GIGYF2: variants seen among roughly 807,000 people sequenced by gnomAD.
GIGYF2 encodes the protein GRB10-interacting GYF protein 2.
Under a neutral mutation model 208.1 loss-of-function variants are expected in GIGYF2, and 25 were observed. The ratio of observed to expected loss-of-function variants is 0.12; its 90% CI spans 0.09 to 0.17. GIGYF2 has a LOEUF of 0.17. Among genes scored for constraint, GIGYF2 ranks in the 10% least tolerant of loss-of-function variants. The probability of loss-of-function intolerance (pLI) is 1.00; values close to 1 mark genes in which losing one functional copy is unlikely to be tolerated. For synonymous variants in GIGYF2, 534 were observed against 543.8 expected (o/e 0.98, Z 0.25); for missense variants, 1,302 against 1,579.4 (o/e 0.82, Z 2.98).
intron 1 of GIGYF2, among the ~76,000 whole-genome samples, chr2:232,698,892 T>C (rs548194044): frequency 6.6e-6 from 1 of 152,198 alleles, no homozygotes; most frequent in African/African-American, 2.4e-5. Flanking sequence ...AACCATGTGC[T>C]TCCATTCATT....
intron 3 of GIGYF2, among the ~76,000 whole-genome samples, chr2:232,741,855 T>A (rs1217519028): frequency 3.3e-5 from 5 of 152,224 alleles, no homozygotes; most frequent in Non-Finnish European, 7.3e-5. Context: ...CTATGTCCAC[T>A]TATATGACTT....
At chr2:232,729,304 C>T (rs1697346089) in intron 2 of GIGYF2, among the ~76,000 whole-genome samples, 1 of 152,124 alleles carries the variant, frequency 6.6e-6, no homozygotes, top group African/African-American at 2.4e-5. Context: ...CTAAAGGTTA[C>T]AAGTCTTCTA....
intron 14 of GIGYF2, among the ~76,000 whole-genome samples, chr2:232,797,488 C>CG (rs1559439725): frequency 1.0e-4 from 5 of 49,158 alleles, no homozygotes; most frequent in African/African-American, 3.1e-4. Context: ...GAGAGCAGGG[C>CG]TTGTGTGTGT....
chr2:232,841,510 T>A (rs1701818208), intron 23 of GIGYF2, among the ~76,000 whole-genome samples: 1 of 151,292 alleles, frequency 6.6e-6, no homozygotes, highest in Non-Finnish European at 1.5e-5. Context: ...AGACGGAGTT[T>A]CACCATGTTG....
chr2:232,723,070 C>T (rs1374559585), intron 2 of GIGYF2, among the ~76,000 whole-genome samples: 1 of 152,152 alleles, frequency 6.6e-6, no homozygotes, highest in East Asian at 1.9e-4. Context: ...AATCTGCCTA[C>T]CTCAGCGTCA....
At chr2:232,807,044 C>G (rs1700581930) in intron 15 of GIGYF2, among the ~76,000 whole-genome samples, 1 of 152,088 alleles carries the variant, frequency 6.6e-6, no homozygotes, top group South Asian at 2.1e-4. Context: ...ACACAGTTGA[C>G]CTCTTTGACT....
At chr2:232,760,201 C>G (rs1029156789) in intron 6 of GIGYF2, 1 of 286,946 alleles carries the variant, frequency 3.5e-6, no homozygotes, top group African/African-American at 2.2e-5. Flanking sequence ...TTCAACTGTT[C>G]GTTAAAGAAC....
At chr2:232,827,677 T>C (rs1477225996) in intron 21 of GIGYF2, among the ~76,000 whole-genome samples, 2 of 152,250 alleles carry the variant, frequency 1.3e-5, no homozygotes, top group Non-Finnish European at 2.9e-5. Flanking sequence ...TACTTATTTA[T>C]CTTTTCGTTG....
chr2:232,743,153 GTGTTGAGGTT>G (rs1475871443), intron 3 of GIGYF2, among the ~76,000 whole-genome samples: 2 of 152,182 alleles, frequency 1.3e-5, no homozygotes, highest in African/African-American at 4.8e-5. Context: ...AGAATTGGCA[GTGTTGAGGTT>G]ATTGATGAAC....
chr2:232,848,807 T>C (rs1223096345), intron 27 of GIGYF2, among the ~76,000 whole-genome samples: 1 of 152,202 alleles, frequency 6.6e-6, no homozygotes, highest in African/African-American at 2.4e-5. Context: ...ATCTCATGTT[T>C]TTTGCTCTGA....
At chr2:232,718,246 C>T (rs187471941) in intron 2 of GIGYF2, among the ~76,000 whole-genome samples, 77 of 152,136 alleles carry the variant, frequency 5.1e-4, no homozygotes, top group African/African-American at 1.9e-3. Context: ...TACAGGCGCC[C>T]ACCACCATGC....
intron 3 of GIGYF2, among the ~76,000 whole-genome samples, chr2:232,737,711 A>G (rs532287579): frequency 8.5e-5 from 13 of 152,260 alleles, no homozygotes; most frequent in South Asian, 4.1e-4. Context: ...CCAGTGTGCA[A>G]TTAACTCTAA....
chr2:232,743,336 A>G (rs762890083), intron 3 of GIGYF2, among the ~76,000 whole-genome samples: 3 of 152,206 alleles, frequency 2.0e-5, no homozygotes, highest in Non-Finnish European at 2.9e-5. Flanking sequence ...ATGAGGAGAT[A>G]TGTTTAGAGA....
chr2:232,795,402 C>T (rs1480082393), intron 13 of GIGYF2, among the ~76,000 whole-genome samples: 1 of 152,116 alleles, frequency 6.6e-6, no homozygotes, highest in Non-Finnish European at 1.5e-5. Flanking sequence ...TGCTTTTCTA[C>T]GAAAGAATTT....
intron 8 of GIGYF2, among the ~76,000 whole-genome samples, chr2:232,782,190 G>GTA (rs1207045231): frequency 1.3e-5 from 2 of 152,026 alleles, no homozygotes; most frequent in African/African-American, 4.8e-5. Context: ...TGGTAAATTA[G>GTA]TACTATTTCT....
chr2:232,836,028 G>A (rs1034535053), intron 22 of GIGYF2, among the ~76,000 whole-genome samples: 5 of 151,574 alleles, frequency 3.3e-5, no homozygotes, highest in African/African-American at 7.3e-5. Flanking sequence ...ACAGAAAACA[G>A]ATGCCAAATG....
chr2:232,849,489 G>C (rs943791598), intron 27 of GIGYF2, among the ~76,000 whole-genome samples: 3 of 152,130 alleles, frequency 2.0e-5, no homozygotes, highest in Non-Finnish European at 4.4e-5. Context: ...TAAGGAGAAG[G>C]CATCATACAG....
Position 232,847,344 on chromosome 2 carries a change from G to T in GIGYF2, c.3461-4G>T. On this transcript the variant is annotated splice_polypyrimidine_tract_variant and splice_region_variant and intron_variant, in intron 26 of 28. Transcript: ENST00000373563. ...CCCTTATCTTCTCCCCTCCCGTTTTGCAGTTCCCACATTTGTTTCTTTCCT... is the reference window on the plus strand; with the variant it reads ...CCCTTATCTTCTCCCCTCCCGTTTTTCAGTTCCCACATTTGTTTCTTTCCT... 2 of 1,609,846 alleles carry T rather than the reference G, an allele frequency of 1.2e-6. No homozygotes were observed. The highest frequency in any genetic ancestry group is 1.7e-6 in the Non-Finnish European group (2 of 1,176,918).
intron 21 of GIGYF2, among the ~76,000 whole-genome samples, chr2:232,827,665 G>A (rs1701290986): frequency 6.6e-6 from 1 of 152,054 alleles, no homozygotes; most frequent in Non-Finnish European, 1.5e-5. Flanking sequence ...TTTTGGCTTT[G>A]TTACTTATTT....
Sources: gnomAD v4.1 joint callset for allele counts (sites outside exome capture counted in the v4.1 genomes callset) on GRCh38, gnomAD v4.1.1 for gene constraint, MANE v1.5 for transcripts, NCBI Gene and HGNC (gene_info 2026-07-23, HGNC 2026-07-21) for gene names.